The following REG1B variants were observed in gnomAD, a reference collection of about 807,000 sequenced individuals.
The protein encoded by REG1B is regenerating family member 1 beta.
A neutral mutation model predicts 20.4 loss-of-function variants in REG1B; 21 were observed. The observed-to-expected ratio is 1.03, with a 90% CI of 0.73 to 1.48. REG1B has a LOEUF of 1.48. Among genes scored for constraint, REG1B ranks in the 40% most tolerant of loss-of-function variants. The pLI is 0.00. For missense variants in REG1B, 247 were observed against 197.2 expected (o/e 1.25, Z -1.51); for synonymous variants, 82 against 73.4 (o/e 1.12, Z -0.60).
Position 79,086,416 on chromosome 2 carries a change from C to T in REG1B, c.272G>A (p.Ser91Asn), listed in dbSNP as rs1418901238. ...GAFVASLIKE[S>N]STDDSNVWIG... is the part of the protein sequence containing the mutation. Reference sequence around the variant, plus strand: ...CCAGACATTGCTGTCATCAGTGCTACTCTCCTTAATCAGTGAGGCCACGAA... The same window carrying T: ...CCAGACATTGCTGTCATCAGTGCTATTCTCCTTAATCAGTGAGGCCACGAA... Residue 91 changes from serine (S) to asparagine (N), a missense_variant, in exon 4 of 6, where the codon AGT becomes AAT. Physicochemically the swap from Ser to Asn is conservative, Grantham distance 46. Transcript: ENST00000305089. 1 of 1,614,012 alleles carries T rather than the reference C, an allele frequency of 6.2e-7. No individual in the cohort carries two copies. Among genetic ancestry groups the T allele is most frequent in the African/African-American group, 1.3e-5 (1 of 74,922 alleles).
Position 79,085,231 on chromosome 2 carries a change from G to T in REG1B, c.486C>A (p.Cys162Ter), listed in dbSNP as rs972996498. Residue 162 changes from cysteine (C) to a stop codon, truncating the protein, a stop_gained, in exon 6 of 6, where the codon TGC becomes TGA. Transcript: ENST00000305089. LOFTEE classifies it high-confidence loss of function. ...ESCEKKFSFV[C>*]KFKN is the part of the protein sequence containing the mutation. ...TCAGCTTCCTCTAGTTTTTGAACTTGCAAACAAAGGAGAACTTCTTCTCAC... is the reference window on the plus strand; with the variant it reads ...TCAGCTTCCTCTAGTTTTTGAACTTTCAAACAAAGGAGAACTTCTTCTCAC... 9 of 1,612,880 alleles carry T rather than the reference G, an allele frequency of 5.6e-6. No homozygotes were observed. The highest frequency in any genetic ancestry group is 7.6e-6 in the Non-Finnish European group (9 of 1,178,966).
At chr2:79,087,482 C>T in intron 2 of REG1B, 67 bp downstream of exon 2, 2 of 1,519,342 alleles carry the variant, frequency 1.3e-6, no homozygotes, top group Non-Finnish European at 1.8e-6. Flanking sequence ...TCAAGTGAAC[C>T]TTATACATGA....
rs535185421 is a variant in REG1B at position 79,086,507 on chromosome 2, G to A, written c.184-3C>T. ...GAATTCATGTTCTGGCAATAGAGCT[G>A]TTGGAGAAGAAAATGGAGCACTCAG... is the stretch of plus-strand genomic sequence containing the variant. On this transcript the variant is annotated splice_region_variant and splice_polypyrimidine_tract_variant and intron_variant, in intron 3 of 5. Transcript: ENST00000305089. The A allele has an allele frequency of 3.7e-6, 6 of 1,613,216 alleles. No homozygotes were observed. The African/African-American group carries it at 8.0e-5, about 22-fold the overall frequency.
Position 79,087,460 on chromosome 2 carries a change from C to T in REG1B, c.64+89G>A, listed in dbSNP as rs1672416579. ...CAACATAAAAAAACCCTGATGTTGA[C>T]TCTGCTTTTTTTCAAGTGAACCTTA... On this transcript the variant is annotated intron_variant, in intron 2 of 5. Coordinates refer to ENST00000305089, the MANE Select transcript of REG1B (RefSeq NM_006507.4). 4.5e-6 allele frequency: 6 copies of T among 1,344,892 alleles called. No homozygotes were observed. The South Asian group carries it at 7.9e-5, about 18-fold the overall frequency. 83.3% of individuals were successfully genotyped at this position (1,344,892 alleles called of 1,614,324 possible).
At chr2:79,085,635 G>A (rs1279336317) in intron 4 of REG1B, 32 bp from the exon 5 acceptor site, 1 of 1,441,648 alleles carries the variant, frequency 6.9e-7, no homozygotes, top group Non-Finnish European at 9.6e-7. Flanking sequence ...CAGGGGCCAT[G>A]GTCACTCAAA....
At position 79,085,154 on chromosome 2, in the gene REG1B, T is replaced by C; in HGVS notation, c.*62A>G. 8.2e-7 allele frequency: 1 copy of C among 1,216,570 alleles called. No individual in the cohort carries two copies. The highest frequency in any genetic ancestry group is 1.2e-6 in the Non-Finnish European group (1 of 819,066). The allele number at this position is 1,216,570 out of a possible 1,614,324, so 75.4% of individuals were successfully genotyped here. On this transcript the variant is annotated 3_prime_UTR_variant, in exon 6 of 6. Transcript: ENST00000305089. ...GAACTGAGTTGGAGACATAGTCTAG[T>C]TTAATTTTTGACTTCATAGTAATTG...
At chr2:79,087,283 C>T (rs1672414184) in intron 2 of REG1B, 6 of 543,500 alleles carry the variant, frequency 1.1e-5, no homozygotes, top group East Asian at 6.0e-5. Context: ...TACATAAAAA[C>T]ATCCCCCAAA....
chr2:79,085,834 A>G (rs1295271418), intron 4 of REG1B: 7 of 371,628 alleles, frequency 1.9e-5, no homozygotes, highest in African/African-American at 1.2e-4. Context: ...AATTTGATAC[A>G]GAGACCCATA....
At chr2:79,087,267 A>G in intron 2 of REG1B, 1 of 541,582 alleles carries the variant, frequency 1.8e-6, no homozygotes, top group Non-Finnish European at 3.3e-6. Context: ...CCATCCTAGC[A>G]ATGACTACAT....
At chr2:79,086,242 T>C in intron 4 of REG1B, 125 bp downstream of exon 4, 1 of 973,886 alleles carries the variant, frequency 1.0e-6, no homozygotes, top group Non-Finnish European at 1.5e-6. Context: ...ATAGGATCTA[T>C]AAAGAGGTTG....
intron 4 of REG1B, chr2:79,086,036 C>A: frequency 3.1e-6 from 1 of 321,136 alleles, no homozygotes; most frequent in Non-Finnish European, 5.8e-6. Context: ...TTCTCCTCCA[C>A]TACTCATTTT....
At chr2:79,086,258 A>G in intron 4 of REG1B, 109 bp downstream of exon 4, 1 of 1,211,016 alleles carries the variant, frequency 8.3e-7, no homozygotes, top group Non-Finnish European at 1.2e-6. Context: ...GGTTGCTTTT[A>G]TTTAAACAAA....
intron 2 of REG1B, 191 bp from the exon 3 acceptor site, chr2:79,087,121 C>T (rs1263417292): frequency 3.4e-6 from 2 of 595,862 alleles, no homozygotes; most frequent in East Asian, 2.8e-5. Context: ...AAGACAAGAG[C>T]TCACAATGAA....
intron 4 of REG1B, chr2:79,086,014 G>A (rs1168788188): frequency 3.4e-6 from 1 of 297,772 alleles, no homozygotes; most frequent in Non-Finnish European, 6.3e-6. Flanking sequence ...TATAACAAAT[G>A]CCAGCAGTAG....
intron 3 of REG1B, 42 bp from the exon 4 acceptor site, chr2:79,086,546 T>A: frequency 6.2e-7 from 1 of 1,608,342 alleles, no homozygotes; most frequent in East Asian, 2.2e-5. Context: ...AGAAGGAAGG[T>A]GTGAGGGATA....
chr2:79,087,749 C>A (rs1251953342), intron 1 of REG1B, 91 bp from the exon 2 acceptor site: 2 of 832,362 alleles, frequency 2.4e-6, no homozygotes, highest in African/African-American at 1.7e-5. Context: ...TTCCTGTGAG[C>A]CGAAAGGTCC....
At chr2:79,085,714 A>G in intron 4 of REG1B, 111 bp from the exon 5 acceptor site, 2 of 632,066 alleles carry the variant, frequency 3.2e-6, no homozygotes, top group Non-Finnish European at 5.6e-6. Context: ...AAGAATAAAC[A>G]TTGTTGTCAC....
chr2:79,087,034 A>G, intron 2 of REG1B, 104 bp from the exon 3 acceptor site: 1 of 860,862 alleles, frequency 1.2e-6, no homozygotes, highest in Non-Finnish European at 1.9e-6. Context: ...GAACATATGG[A>G]TACAGTGAAT....
chr2:79,086,062 A>C (rs2104017023), intron 4 of REG1B: 1 of 380,232 alleles, frequency 2.6e-6, no homozygotes, highest in South Asian at 2.7e-5. Flanking sequence ...TAGTCTACAG[A>C]GGGACCTCTT....
Sources: gnomAD v4.1 joint callset for allele counts on GRCh38, gnomAD v4.1.1 for gene constraint, MANE v1.5 for transcripts, NCBI Gene and HGNC (gene_info 2026-07-23, HGNC 2026-07-21) for gene names.